The following UBE3A variants were observed in gnomAD, a reference collection of about 807,000 sequenced individuals.
UBE3A encodes the protein ubiquitin protein ligase E3A.
A neutral mutation model predicts 83.4 loss-of-function variants in UBE3A; 6 were observed. That is an observed-to-expected ratio of 0.07 (90% CI 0.04 to 0.14). UBE3A has a LOEUF of 0.14. UBE3A is among the 10% of genes least tolerant of loss of function. The pLI is 1.00. For synonymous variants in UBE3A, 337 were observed against 355.4 expected (o/e 0.95, Z 0.58); for missense variants, 456 against 1,036.1 (o/e 0.44, Z 7.69).
intron 11 of UBE3A, among the ~76,000 whole-genome samples, chr15:25,342,764 C>G (rs940681183): frequency 1.3e-5 from 2 of 152,008 alleles, no homozygotes; most frequent in African/African-American, 2.4e-5. Context: ...GTGGCTTGTG[C>G]GGAATCATAC....
chr15:25,412,157 G>T (rs551460326), intron 1 of UBE3A, among the ~76,000 whole-genome samples, 186 bp from the exon 2 acceptor site: 1 of 152,224 alleles, frequency 6.6e-6, no homozygotes, highest in Non-Finnish European at 1.5e-5. Flanking sequence ...GGCAGGCCCT[G>T]TGGCCTGAGT....
In UBE3A at chr15:25,376,603, C is replaced by T. The variant is rs1305679226; in HGVS notation, c.63-840G>A. 3.3e-5 allele frequency among the ~76,000 whole-genome samples: 5 copies of T among 152,194 alleles called. No individual in the cohort carries two copies. In the East Asian group the frequency reaches 9.7e-4, roughly 29 times the overall value. Reference sequence around the variant, plus strand: ...GCTGCCATAAGCTGAAATTGCACCACTGCACTCCAGCCTGGGCAACAGAGC... The same window carrying T: ...GCTGCCATAAGCTGAAATTGCACCATTGCACTCCAGCCTGGGCAACAGAGC... On this transcript the variant is annotated intron_variant, in intron 4 of 12. Transcript: ENST00000648336.
At chr15:25,400,374 T>C (rs1446944060) in intron 4 of UBE3A, among the ~76,000 whole-genome samples, 2 of 152,224 alleles carry the variant, frequency 1.3e-5, no homozygotes, top group African/African-American at 4.8e-5. Context: ...GTGTATACTT[T>C]AAATCATTAC....
intron 4 of UBE3A, among the ~76,000 whole-genome samples, chr15:25,386,748 G>T (rs548186057): frequency 1.3e-5 from 2 of 151,610 alleles, no homozygotes; most frequent in South Asian, 4.2e-4. Context: ...AGAAAAAAAA[G>T]AAAAAATACA....
chr15:25,409,779 A>G (rs17115567), intron 2 of UBE3A, among the ~76,000 whole-genome samples: 11,146 of 152,242 alleles, frequency 0.073, 828 homozygotes, highest in East Asian at 0.42. Flanking sequence ...AAGCTGATAG[A>G]GCAATCAGTC....
At chr15:25,396,173 C>G (rs939956194) in intron 4 of UBE3A, among the ~76,000 whole-genome samples, 1 of 151,832 alleles carries the variant, frequency 6.6e-6, no homozygotes, top group Non-Finnish European at 1.5e-5. Context: ...TGCACTCCAG[C>G]CTGGGTGACA....
At chr15:25,365,388 TAAGTAGAAGCAATAATCAGATAA>T (rs1234870219) in intron 6 of UBE3A, among the ~76,000 whole-genome samples, 1 of 152,162 alleles carries the variant, frequency 6.6e-6, no homozygotes, top group Non-Finnish European at 1.5e-5. Flanking sequence ...CATGAATATT[TAAGTAGAAGCAATAATCAGATAA>T]AAGAGACCTC....
At chr15:25,376,431 G>A (rs2081232299) in intron 4 of UBE3A, among the ~76,000 whole-genome samples, 1 of 152,078 alleles carries the variant, frequency 6.6e-6, no homozygotes, top group Non-Finnish European at 1.5e-5. Flanking sequence ...CCGACTACTT[G>A]AGCCCAGGAG....
intron 4 of UBE3A, among the ~76,000 whole-genome samples, chr15:25,376,107 A>G (rs1294689624): frequency 6.6e-6 from 1 of 152,214 alleles, no homozygotes; most frequent in Admixed American, 6.5e-5. Context: ...TTTACAGCTA[A>G]GAGTTGTAGG....
intron 4 of UBE3A, among the ~76,000 whole-genome samples, chr15:25,376,338 T>TA (rs2152853767): frequency 6.6e-6 from 1 of 152,314 alleles, no homozygotes; most frequent in Non-Finnish European, 1.5e-5. Flanking sequence ...AAGATAGTGT[T>TA]ACACTGAAAG....
At chr15:25,398,049 A>C (rs2085975931) in intron 4 of UBE3A, among the ~76,000 whole-genome samples, 1 of 151,776 alleles carries the variant, frequency 6.6e-6, no homozygotes, top group Admixed American at 6.6e-5. Context: ...ACAAATAAAA[A>C]TGATACGTAT....
At chr15:25,435,315 G>C (rs1464233189) in intron 1 of UBE3A, among the ~76,000 whole-genome samples, 1 of 152,078 alleles carries the variant, frequency 6.6e-6, no homozygotes, top group Non-Finnish European at 1.5e-5. Flanking sequence ...CATCTTTCTT[G>C]TCTTTGTGGG....
intron 1 of UBE3A, chr15:25,413,114 C>G (rs1216084927): frequency 2.4e-6 from 1 of 408,362 alleles, no homozygotes; most frequent in East Asian, 7.6e-5. Flanking sequence ...TACAGAATAA[C>G]AAAAACTGTA....
At position 25,375,272 on chromosome 15, in the gene UBE3A, C is replaced by G. The variant is rs889390482; in HGVS notation, c.361+193G>C. 1.4e-5 allele frequency: 9 copies of G among 637,958 alleles called. No homozygotes were observed. The African/African-American group carries it at 1.7e-4, about 12-fold the overall frequency. 39.5% of individuals were successfully genotyped at this position (637,958 alleles called of 1,614,324 possible). On this transcript the variant is annotated intron_variant, in intron 5 of 12. Coordinates refer to ENST00000648336, the MANE Select transcript of UBE3A (RefSeq NM_130839.5). ...AACAAATGAACTTTTGGCATATGAT[C>G]TGCTTCTAATTAGCAATGATTAGAC...
intron 5 of UBE3A, 169 bp downstream of exon 5, chr15:25,375,296 A>G: frequency 1.4e-6 from 1 of 727,200 alleles, no homozygotes; most frequent in South Asian, 1.9e-5. Context: ...CAATGATTAG[A>G]CCTGTAAAAT....
chr15:25,398,957 A>C lies in UBE3A; in HGVS notation c.62+6504T>G, dbSNP rs372865048. Among the ~76,000 whole-genome samples the C allele has an allele frequency of 2.3e-4, 35 of 151,258 alleles. 2 individuals carry two copies. Among genetic ancestry groups the C allele is most frequent in the African/African-American group, 7.3e-4 (30 of 41,308 alleles). ...TGCGCAATATATCTCTTGTCTGCAAATCCTCATCATACTTTAATAGCCATT... is the reference window on the plus strand; with the variant it reads ...TGCGCAATATATCTCTTGTCTGCAACTCCTCATCATACTTTAATAGCCATT... On this transcript the variant is annotated intron_variant, in intron 4 of 12. Transcript: ENST00000648336.
chr15:25,437,549 G>T (rs546603662), intron 1 of UBE3A, among the ~76,000 whole-genome samples: 1 of 152,092 alleles, frequency 6.6e-6, no homozygotes, highest in Non-Finnish European at 1.5e-5. Context: ...CATGATTGAG[G>T]TTAACTGTGC....
intron 6 of UBE3A, among the ~76,000 whole-genome samples, chr15:25,367,045 T>C (rs1157028608): frequency 1.3e-5 from 2 of 151,778 alleles, no homozygotes; most frequent in African/African-American, 4.8e-5. Flanking sequence ...CATAAACTTA[T>C]AACCTCTATC....
rs2080352819 is a variant in UBE3A, at chr15:25,371,919, T to G, written c.362-107A>C. 4.6e-6 allele frequency: 5 copies of G among 1,075,688 alleles called. No homozygotes were observed. The highest frequency in any genetic ancestry group is 6.6e-6 in the Non-Finnish European group (5 of 760,400). The allele number at this position is 1,075,688 out of a possible 1,614,324, so 66.6% of individuals were successfully genotyped here. ...ACAGCCAAACATTCTAGGCTCAATA[T>G]CATTTATGATATACAACTCTTAAAG... On this transcript the variant is annotated intron_variant, in intron 5 of 12. Coordinates refer to ENST00000648336, the MANE Select transcript of UBE3A (RefSeq NM_130839.5). This position sits in a 1 kb window ranked among gnomAD's most constrained non-coding sequence, Gnocchi z 5.3.
Sources: gnomAD v4.1 joint callset for allele counts (sites outside exome capture counted in the v4.1 genomes callset) on GRCh38, gnomAD v4.1.1 for gene constraint, Gnocchi (gnomAD v3.1) non-coding constraint, MANE v1.5 for transcripts, NCBI Gene and HGNC (gene_info 2026-07-23, HGNC 2026-07-21) for gene names.